The following TRIP4 variants were observed in gnomAD, a reference collection of about 807,000 sequenced individuals.
TRIP4 encodes activating signal cointegrator 1.
Under a neutral mutation model 81.8 loss-of-function variants are expected in TRIP4, and 54 were observed. The ratio of observed to expected loss-of-function variants is 0.66; its 90% CI spans 0.53 to 0.83. The LOEUF (loss-of-function observed/expected upper bound fraction) is 0.83, where lower values mean the gene tolerates loss of function less well. Among genes scored for constraint, TRIP4 ranks in the 40% least tolerant of loss-of-function variants. The probability of loss-of-function intolerance (pLI) is 0.00; values close to 1 mark genes in which losing one functional copy is unlikely to be tolerated. For missense variants in TRIP4, 662 were observed against 683.6 expected (o/e 0.97, Z 0.35); for synonymous variants, 270 against 242.8 (o/e 1.11, Z -1.04).
intron 4 of TRIP4, among the ~76,000 whole-genome samples, chr15:64,400,247 A>G (rs1398458041): frequency 6.6e-6 from 1 of 151,458 alleles, no homozygotes; most frequent in African/African-American, 2.4e-5. Flanking sequence ...GTTCAGGACC[A>G]GCCTGGGCAA....
At chr15:64,407,225 G>A (rs561128757) in intron 6 of TRIP4, among the ~76,000 whole-genome samples, 58 of 152,220 alleles carry the variant, frequency 3.8e-4, no homozygotes, top group Non-Finnish European at 6.9e-4. Flanking sequence ...GGACATTCCT[G>A]CTACTTCCAA....
intron 11 of TRIP4, among the ~76,000 whole-genome samples, chr15:64,437,203 G>C (rs942804591): frequency 6.6e-6 from 1 of 151,530 alleles, no homozygotes; most frequent in Admixed American, 6.6e-5. Flanking sequence ...GGTGGATCAC[G>C]AGGTTGGGAG....
At chr15:64,409,469 C>T (rs1596343140) in intron 6 of TRIP4, 144 bp from the exon 7 acceptor site, 1 of 685,060 alleles carries the variant, frequency 1.5e-6, no homozygotes, top group Non-Finnish European at 2.5e-6. Context: ...GGAGCTGAGC[C>T]TACACTGGAG....
intron 5 of TRIP4, among the ~76,000 whole-genome samples, chr15:64,401,207 T>G (rs748410377): frequency 5.3e-5 from 8 of 151,552 alleles, no homozygotes; most frequent in Non-Finnish European, 1.0e-4. Flanking sequence ...TGATCTCGGC[T>G]CACTACAACC....
intron 2 of TRIP4, among the ~76,000 whole-genome samples, chr15:64,394,411 G>A (rs933959682): frequency 6.6e-6 from 1 of 151,896 alleles, no homozygotes; most frequent in African/African-American, 2.4e-5. Flanking sequence ...CGAGACCATC[G>A]TGGCTAACAC....
chr15:64,430,330 G>A (rs1787972571), intron 11 of TRIP4, among the ~76,000 whole-genome samples: 1 of 152,214 alleles, frequency 6.6e-6, no homozygotes, highest in Non-Finnish European at 1.5e-5. Context: ...AGGTAGATGA[G>A]AGCCATCTCG....
intron 5 of TRIP4, among the ~76,000 whole-genome samples, chr15:64,402,726 A>G (rs2140287099): frequency 6.6e-6 from 1 of 151,754 alleles, no homozygotes; most frequent in East Asian, 1.9e-4. Flanking sequence ...GGGTTCTCCC[A>G]TGTTGACTAG....
chr15:64,431,847 A>AT (rs1555411171), intron 11 of TRIP4, among the ~76,000 whole-genome samples: 6,042 of 119,556 alleles, frequency 0.051, 637 homozygotes, highest in African/African-American at 0.18. Context: ...ATATATATAT[A>AT]TTTTTTTTAT....
chr15:64,389,613 T>C (rs1900057570), intron 1 of TRIP4, among the ~76,000 whole-genome samples: 1 of 152,214 alleles, frequency 6.6e-6, no homozygotes, highest in East Asian at 1.9e-4. Context: ...TCAAACATTT[T>C]TTAAAGCAGT....
chr15:64,445,541 C>CGCCTGTAGT (rs1269679217), intron 12 of TRIP4, among the ~76,000 whole-genome samples: 2 of 150,986 alleles, frequency 1.3e-5, no homozygotes, highest in Non-Finnish European at 2.9e-5. Context: ...GTGCCTGTAG[C>CGCCTGTAGT]GCCTGTAGTC....
At chr15:64,412,399 A>C (rs189246435) in intron 7 of TRIP4, among the ~76,000 whole-genome samples, 2 of 152,164 alleles carry the variant, frequency 1.3e-5, no homozygotes, top group East Asian at 3.9e-4. Flanking sequence ...TCACATACCT[A>C]CCTCTCCCTT....
chr15:64,444,746 CTTT>C, intron 11 of TRIP4: 3 of 108,050 alleles, frequency 2.8e-5, no homozygotes, highest in Non-Finnish European at 5.2e-5. Context: ...TTCAGGTATC[CTTT>C]TTTTTTTTTT....
At chr15:64,434,193 A>C (rs1355770842) in intron 11 of TRIP4, among the ~76,000 whole-genome samples, 6 of 152,128 alleles carry the variant, frequency 3.9e-5, no homozygotes, top group Non-Finnish European at 7.3e-5. Flanking sequence ...TGAGGTTAGG[A>C]GTTCGAGACC....
intron 5 of TRIP4, among the ~76,000 whole-genome samples, chr15:64,403,226 G>A (rs1891551496): frequency 6.6e-6 from 1 of 151,688 alleles, no homozygotes; most frequent in Non-Finnish European, 1.5e-5. Context: ...GCGCAATCTT[G>A]GCTGACTGCA....
At chr15:64,397,174 C>G (rs902779091) in intron 3 of TRIP4, among the ~76,000 whole-genome samples, 1 of 152,030 alleles carries the variant, frequency 6.6e-6, no homozygotes, top group African/African-American at 2.4e-5. Context: ...ATTATCTGTC[C>G]TTTTCTTAGT....
intron 8 of TRIP4, 122 bp downstream of exon 8, chr15:64,414,333 C>G: frequency 1.5e-6 from 2 of 1,320,396 alleles, no homozygotes; most frequent in Non-Finnish European, 2.1e-6. Context: ...CTGTACCAAT[C>G]AGCTCTCTCA....
chr15:64,397,511 A>G (rs749719392), intron 3 of TRIP4, 95 bp from the exon 4 acceptor site: 5 of 1,205,422 alleles, frequency 4.1e-6, no homozygotes, highest in Non-Finnish European at 5.8e-6. Flanking sequence ...TGGATAGTAT[A>G]TAAGTTGTTA....
intron 11 of TRIP4, among the ~76,000 whole-genome samples, chr15:64,426,471 G>GGGTGGA (rs1452983791): frequency 1.3e-5 from 2 of 152,266 alleles, no homozygotes; most frequent in South Asian, 4.1e-4. Flanking sequence ...AAGCCAAAGC[G>GGGTGGA]GGTGGATCAC....
chr15:64,390,477 A>G (rs557212559), intron 1 of TRIP4, among the ~76,000 whole-genome samples: 1 of 151,822 alleles, frequency 6.6e-6, no homozygotes, highest in African/African-American at 2.4e-5. Context: ...AAAAAGGAAA[A>G]AAGAAAGATT....
Sources: gnomAD v4.1 joint callset for allele counts (sites outside exome capture counted in the v4.1 genomes callset) on GRCh38, gnomAD v4.1.1 for gene constraint, MANE v1.5 for transcripts, NCBI Gene and HGNC (gene_info 2026-07-23, HGNC 2026-07-21) for gene names.